SLC24A3: variants seen among roughly 807,000 people sequenced by gnomAD.
The protein encoded by SLC24A3 is sodium/potassium/calcium exchanger 3.
Under a neutral mutation model 75.8 loss-of-function variants are expected in SLC24A3, and 28 were observed. That is an observed-to-expected ratio of 0.37 (90% CI 0.27 to 0.51). The LOEUF is 0.51. SLC24A3 is among the 20% of genes least tolerant of loss of function. The pLI is 0.94. For synonymous variants in SLC24A3, 372 were observed against 334.1 expected, an observed-to-expected ratio of 1.11 and a Z score of -1.24; for missense variants, 663 against 847.8, an observed-to-expected ratio of 0.78 and a Z score of 2.71.
chr20:19,381,409 A>G (rs1177846904), intron 2 of SLC24A3, among the ~76,000 whole-genome samples: 1 of 152,194 alleles, frequency 6.6e-6, no homozygotes, highest in Non-Finnish European at 1.5e-5. Flanking sequence ...GATGGATAAG[A>G]TGATCTGGGA....
At chr20:19,401,017 A>G (rs545502559) in intron 2 of SLC24A3, among the ~76,000 whole-genome samples, 11 of 152,280 alleles carry the variant, frequency 7.2e-5, no homozygotes, top group Admixed American at 7.2e-4. Context: ...CCCATGTTTC[A>G]TAAGGCTGTT....
chr20:19,212,914 G>A lies in SLC24A3; in HGVS notation c.72G>A (p.Leu24=). The A allele has an allele frequency of 7.4e-7, 1 of 1,350,164 alleles. No individual in the cohort carries two copies. The highest frequency in any genetic ancestry group is 2.6e-5 in the Admixed American group (1 of 38,464). 83.6% of individuals were successfully genotyped at this position (1,350,164 alleles called of 1,614,324 possible). A position where few individuals can be genotyped will look rare whatever the true frequency, so the allele number is the denominator to read the frequency against. The change falls in exon 1 of 17, where the codon CTG becomes CTA. Residue 24 remains leucine (L), a synonymous_variant. Transcript: ENST00000328041. Reference sequence around the variant, plus strand: ...GCCGCCGCCGGAGGGACCTTCTGCTGAGCCAGCTCTGCTTCCTGGCCTCGG... The same window carrying A: ...GCCGCCGCCGGAGGGACCTTCTGCTAAGCCAGCTCTGCTTCCTGGCCTCGG... ...RRRRRRRDLL[L]SQLCFLASVA...
intron 6 of SLC24A3, among the ~76,000 whole-genome samples, chr20:19,651,110 T>C (rs2032196999): frequency 6.6e-6 from 1 of 152,124 alleles, no homozygotes; most frequent in Admixed American, 6.5e-5. Flanking sequence ...TGTTTTATTG[T>C]AACATAATTA....
chr20:19,517,255 T>A (rs955716806), intron 3 of SLC24A3, among the ~76,000 whole-genome samples: 1 of 152,182 alleles, frequency 6.6e-6, no homozygotes, highest in African/African-American at 2.4e-5. Flanking sequence ...GTTAGCATCC[T>A]GATGCTTTGA....
At chr20:19,698,904 A>C (rs1178726487) in intron 15 of SLC24A3, among the ~76,000 whole-genome samples, 1 of 152,136 alleles carries the variant, frequency 6.6e-6, no homozygotes, top group East Asian at 1.9e-4. Flanking sequence ...AGGGGCAAAT[A>C]CTAAATATTT....
At chr20:19,701,283 C>T (rs2032869065) in intron 15 of SLC24A3, among the ~76,000 whole-genome samples, 1 of 152,036 alleles carries the variant, frequency 6.6e-6, no homozygotes, top group African/African-American at 2.4e-5. Context: ...ATTAGAGGGA[C>T]ACTTCAGGTC....
rs3790269 is a variant in SLC24A3, at chr20:19,591,170, T to C, written c.612+5626T>C. 3.3e-4 allele frequency among the ~76,000 whole-genome samples: 51 copies of C among 152,302 alleles called. No individual in the cohort carries two copies. In the East Asian group the frequency reaches 9.7e-3, roughly 29 times the overall value. On this transcript the variant is annotated intron_variant, in intron 6 of 16. Coordinates refer to ENST00000328041, the MANE Select transcript of SLC24A3 (RefSeq NM_020689.4). ...TCTGTGCTGCTCTGTTTTCATTGCC[T>C]CTACAACTTCACCCCAGATCTCTGT...
rs142348414 is a variant in SLC24A3, at chr20:19,287,674, G to A, written c.271+6587G>A. On this transcript the variant is annotated intron_variant, in intron 2 of 16. Transcript: ENST00000328041. ...TTTATTCTCTTTTCACCTTGTGGGGGTCATCAATGAGGCAGAAATTGTCCC... is the reference window on the plus strand; with the variant it reads ...TTTATTCTCTTTTCACCTTGTGGGGATCATCAATGAGGCAGAAATTGTCCC... Among the ~76,000 whole-genome samples, 237 of 152,286 alleles carry A rather than the reference G, an allele frequency of 1.6e-3. 1 individual carries two copies. Among genetic ancestry groups the A allele is most frequent in the African/African-American group, 5.3e-3 (221 of 41,548 alleles).
intron 6 of SLC24A3, among the ~76,000 whole-genome samples, chr20:19,607,825 C>G (rs1005447565): frequency 6.6e-6 from 1 of 152,250 alleles, no homozygotes; most frequent in Admixed American, 6.5e-5. Context: ...CTTCCTGAGC[C>G]TCCACTCTGA....
intron 3 of SLC24A3, among the ~76,000 whole-genome samples, chr20:19,530,890 G>A (rs2030285644): frequency 6.6e-6 from 1 of 152,192 alleles, no homozygotes; most frequent in Non-Finnish European, 1.5e-5. Flanking sequence ...ATGGCTCCAT[G>A]CCCTGGGGTT....
In SLC24A3 at chr20:19,438,534, G is replaced by A. The variant is rs375913591; in HGVS notation, c.272-76954G>A. 5.3e-5 allele frequency among the ~76,000 whole-genome samples: 8 copies of A among 150,556 alleles called. No homozygotes were observed. The East Asian group carries it at 7.9e-4, about 15-fold the overall frequency. On this transcript the variant is annotated intron_variant, in intron 2 of 16. Coordinates refer to ENST00000328041, the MANE Select transcript of SLC24A3 (RefSeq NM_020689.4). ...CCGACACCCCCATACAGTAGGTAGT[G>A]TAGACACCAAGCAACTCATTGGTCT...
chr20:19,279,308 G>T (rs1983586533), intron 1 of SLC24A3, among the ~76,000 whole-genome samples: 1 of 152,194 alleles, frequency 6.6e-6, no homozygotes, highest in African/African-American at 2.4e-5. Context: ...TCCGCCCGCG[G>T]CAACTTTGGA....
intron 1 of SLC24A3, among the ~76,000 whole-genome samples, chr20:19,268,388 C>T (rs1983228411): frequency 2.0e-5 from 3 of 152,296 alleles, no homozygotes; most frequent in Non-Finnish European, 4.4e-5. Flanking sequence ...TGTAGCTCAT[C>T]CTCCAGTAGC....
At chr20:19,622,554 G>A (rs1327291646) in intron 6 of SLC24A3, among the ~76,000 whole-genome samples, 2 of 152,160 alleles carry the variant, frequency 1.3e-5, no homozygotes, top group Non-Finnish European at 2.9e-5. Context: ...CTTGGAGTCT[G>A]TGTCGACTTT....
chr20:19,593,470 TA>T (rs1338091871), intron 6 of SLC24A3, among the ~76,000 whole-genome samples: 1 of 152,232 alleles, frequency 6.6e-6, no homozygotes, highest in East Asian at 1.9e-4. Flanking sequence ...ACACCTACAG[TA>T]CTTACCTTGT....
intron 2 of SLC24A3, among the ~76,000 whole-genome samples, chr20:19,327,234 TC>T (rs1984883577): frequency 6.6e-6 from 1 of 152,192 alleles, no homozygotes; most frequent in Non-Finnish European, 1.5e-5. Flanking sequence ...CACTGTTGAC[TC>T]CCGTGTGTCC....
intron 6 of SLC24A3, among the ~76,000 whole-genome samples, chr20:19,642,258 T>C (rs2032084955): frequency 6.6e-6 from 1 of 152,254 alleles, no homozygotes; most frequent in Non-Finnish European, 1.5e-5. Context: ...TAAGATTCTA[T>C]AGCTATTTGC....
At chr20:19,450,388 G>T (rs1987459625) in intron 2 of SLC24A3, among the ~76,000 whole-genome samples, 1 of 152,086 alleles carries the variant, frequency 6.6e-6, no homozygotes, top group South Asian at 2.1e-4. Context: ...CATCTCCCCA[G>T]CCCTGATCAT....
intron 9 of SLC24A3, among the ~76,000 whole-genome samples, chr20:19,679,287 G>A (rs891406859): frequency 4.6e-5 from 7 of 152,326 alleles, no homozygotes; most frequent in African/African-American, 1.7e-4. Flanking sequence ...GATCACTCGC[G>A]GTTAGGAGCT....
Sources: gnomAD v4.1 joint callset for allele counts (sites outside exome capture counted in the v4.1 genomes callset) on GRCh38, gnomAD v4.1.1 for gene constraint, MANE v1.5 for transcripts, NCBI Gene and HGNC (gene_info 2026-07-23, HGNC 2026-07-21) for gene names.